ENOX1: variants seen among roughly 807,000 people sequenced by gnomAD.
ENOX1 encodes candidate growth-related and time keeping constitutive hydroquinone (NADH) oxidase.
Under a neutral mutation model 82.5 loss-of-function variants are expected in ENOX1, and 42 were observed. The observed-to-expected ratio is 0.51, with a 90% CI of 0.40 to 0.66. ENOX1 has a LOEUF of 0.66. ENOX1 is among the 30% of genes least tolerant of loss of function. ENOX1 has a pLI of 0.00. For missense variants in ENOX1, 608 were observed against 811.6 expected, an observed-to-expected ratio of 0.75 and a Z score of 3.05; for synonymous variants, 271 against 282.2, an observed-to-expected ratio of 0.96 and a Z score of 0.40.
chr13:43,268,988 C>CAA (rs1263777855), intron 13 of ENOX1, among the ~76,000 whole-genome samples: 1 of 152,190 alleles, frequency 6.6e-6, no homozygotes, highest in Non-Finnish European at 1.5e-5. Flanking sequence ...ATCAGGTTTA[C>CAA]AAACTTCATA....
chr13:43,587,402 T>C (rs1443656386), intron 2 of ENOX1, among the ~76,000 whole-genome samples: 1 of 152,208 alleles, frequency 6.6e-6, no homozygotes, highest in Non-Finnish European at 1.5e-5. Flanking sequence ...ACCTTATCAA[T>C]GGTGAACACA....
At chr13:43,293,951 A>G (rs2046152843) in intron 12 of ENOX1, among the ~76,000 whole-genome samples, 1 of 152,226 alleles carries the variant, frequency 6.6e-6, no homozygotes, top group African/African-American at 2.4e-5. Context: ...AGTATAAAGA[A>G]AAAAATGCTT....
At chr13:43,263,458 C>G (rs1388945064) in intron 14 of ENOX1, among the ~76,000 whole-genome samples, 3 of 152,196 alleles carry the variant, frequency 2.0e-5, no homozygotes, top group African/African-American at 7.2e-5. Flanking sequence ...AAGCTGAAAA[C>G]TTTCCTGTAG....
chr13:43,443,475 T>C (rs948597515), intron 3 of ENOX1, among the ~76,000 whole-genome samples: 1 of 152,244 alleles, frequency 6.6e-6, no homozygotes, highest in Admixed American at 6.5e-5. Context: ...CATAATTTGA[T>C]TTAATCCTGT....
At chr13:43,596,983 T>A (rs2081501958) in intron 2 of ENOX1, among the ~76,000 whole-genome samples, 1 of 152,040 alleles carries the variant, frequency 6.6e-6, no homozygotes, top group Non-Finnish European at 1.5e-5. Context: ...AGAAAAGAAG[T>A]TTAATTGCCT....
chr13:43,215,762 G>C (rs968838217), intron 16 of ENOX1, among the ~76,000 whole-genome samples: 5 of 152,116 alleles, frequency 3.3e-5, no homozygotes, highest in Non-Finnish European at 7.4e-5. Flanking sequence ...GTCACCTGGA[G>C]GCACTTGTTA....
At chr13:43,584,508 A>T (rs1017438710) in intron 2 of ENOX1, among the ~76,000 whole-genome samples, 10 of 152,216 alleles carry the variant, frequency 6.6e-5, no homozygotes, top group Admixed American at 1.3e-4. Flanking sequence ...TATTAAACAG[A>T]GCAGAGACTA....
At chr13:43,453,699 C>T (rs1487148293) in intron 3 of ENOX1, among the ~76,000 whole-genome samples, 1 of 152,140 alleles carries the variant, frequency 6.6e-6, no homozygotes, top group Non-Finnish European at 1.5e-5. Context: ...AATATGTAAA[C>T]AGGTAGGGAA....
chr13:43,560,172 A>G (rs1368138332), intron 2 of ENOX1, among the ~76,000 whole-genome samples: 2 of 152,292 alleles, frequency 1.3e-5, no homozygotes, highest in African/African-American at 2.4e-5. Context: ...GTTCTGTATC[A>G]TTGACATAGA....
intron 2 of ENOX1, among the ~76,000 whole-genome samples, chr13:43,649,485 TAAAC>T (rs2084051374): frequency 6.6e-6 from 1 of 152,184 alleles, no homozygotes; most frequent in Non-Finnish European, 1.5e-5. Flanking sequence ...AACTTACAAA[TAAAC>T]AATATCTAGT....
At chr13:43,593,136 C>T (rs369366606) in intron 2 of ENOX1, among the ~76,000 whole-genome samples, 9 of 152,148 alleles carry the variant, frequency 5.9e-5, no homozygotes, top group African/African-American at 1.9e-4. Context: ...GACCAGCAGC[C>T]TAGAGTCTGA....
At chr13:43,616,174 C>CTAGATAGATATCTATATAGATAGA (rs1366369862) in intron 2 of ENOX1, among the ~76,000 whole-genome samples, 1 of 9,280 alleles carries the variant, frequency 1.1e-4, no homozygotes, top group African/African-American at 2.3e-4. Context: ...ATCTATCTAT[C>CTAGATAGATATCTATATAGATAGA]TATCTATCTA....
chr13:43,252,583 T>C (rs1366254243), intron 14 of ENOX1, among the ~76,000 whole-genome samples: 2 of 152,262 alleles, frequency 1.3e-5, no homozygotes, highest in East Asian at 1.9e-4. Flanking sequence ...GGCAACAGCT[T>C]TCCTTCCAAA....
intron 15 of ENOX1, among the ~76,000 whole-genome samples, chr13:43,225,316 G>T (rs1361675390): frequency 6.6e-6 from 1 of 152,184 alleles, no homozygotes; most frequent in Non-Finnish European, 1.5e-5. Flanking sequence ...TAGGGATTAT[G>T]CCCATTACCA....
chr13:43,488,796 G>C (rs1376322414), intron 2 of ENOX1, among the ~76,000 whole-genome samples: 2 of 152,162 alleles, frequency 1.3e-5, no homozygotes, highest in East Asian at 3.9e-4. Context: ...ATCTCAGATG[G>C]ACATAAGGAA....
At chr13:43,595,552 T>A (rs1324520802) in intron 2 of ENOX1, among the ~76,000 whole-genome samples, 1 of 152,222 alleles carries the variant, frequency 6.6e-6, no homozygotes, top group Non-Finnish European at 1.5e-5. Flanking sequence ...AAGAGTTAAC[T>A]GCTCTTTTAA....
intron 1 of ENOX1, among the ~76,000 whole-genome samples, chr13:43,739,436 C>T (rs530553361): frequency 6.6e-6 from 1 of 152,100 alleles, no homozygotes; most frequent in Admixed American, 6.6e-5. Flanking sequence ...GTAGTCCCAG[C>T]TACTTGGGAG....
At position 43,703,506 on chromosome 13, in the gene ENOX1, G is replaced by C. The variant is rs192809442; in HGVS notation, c.-284-35962C>G. 2.6e-5 allele frequency among the ~76,000 whole-genome samples: 4 copies of C among 152,198 alleles called. No homozygotes were observed. In the East Asian group the frequency reaches 7.7e-4, roughly 29 times the overall value. On this transcript the variant is annotated intron_variant, in intron 1 of 16. Coordinates refer to ENST00000690772, the MANE Select transcript of ENOX1 (RefSeq NM_001347969.2). ...TAGATACCTCTCTGAAGCGTCTCTG[G>C]GAATGTTATACGCTTATCTTCCTTT... is the stretch of plus-strand genomic sequence containing the variant.
intron 8 of ENOX1, among the ~76,000 whole-genome samples, chr13:43,352,263 G>A (rs765710048): frequency 1.1e-4 from 16 of 152,242 alleles, no homozygotes; most frequent in Admixed American, 9.8e-4. Flanking sequence ...TTGTCAGGAC[G>A]TCACCTAATT....
Sources: allele counts gnomAD v4.1 joint callset (sites outside exome capture counted in the v4.1 genomes callset), GRCh38; gene constraint gnomAD v4.1.1; transcripts MANE v1.5; gene names NCBI Gene and HGNC (gene_info 2026-07-23, HGNC 2026-07-21).